The following TSPAN9 variants were observed in gnomAD, a reference collection of about 807,000 sequenced individuals.
TSPAN9 encodes the protein tetraspanin-9.
TSPAN9 carries 16 observed loss-of-function variants against 31.0 expected under a neutral mutation model. The ratio of observed to expected loss-of-function variants is 0.52; its 90% CI spans 0.35 to 0.78. The LOEUF (loss-of-function observed/expected upper bound fraction) is 0.78. Ranked by LOEUF, TSPAN9 falls within the 30% of genes least tolerant of loss-of-function variation. The pLI, the probability that TSPAN9 is intolerant of heterozygous loss-of-function variation, is 0.01. For synonymous variants in TSPAN9, 145 were observed against 121.6 expected (o/e 1.19, Z -1.27); for missense variants, 272 against 312.5 (o/e 0.87, Z 0.98).
At chr12:3,081,872 C>T (rs1381116972) in intron 1 of TSPAN9, among the ~76,000 whole-genome samples, 2 of 117,930 alleles carry the variant, frequency 1.7e-5, no homozygotes, top group Admixed American at 8.4e-5. Context: ...TGGTGGTACA[C>T]ACCTGTGGAC....
intron 2 of TSPAN9, among the ~76,000 whole-genome samples, chr12:3,179,058 A>G (rs976056858): frequency 1.3e-5 from 2 of 152,208 alleles, no homozygotes; most frequent in Admixed American, 6.5e-5. Flanking sequence ...TGCTGGGCCC[A>G]GGATGCCCTG....
At chr12:3,258,413 G>C (rs1862388713) in intron 3 of TSPAN9, among the ~76,000 whole-genome samples, 1 of 152,180 alleles carries the variant, frequency 6.6e-6, no homozygotes, top group Non-Finnish European at 1.5e-5. Context: ...TTTGAGATGG[G>C]GAAAGAGAGG....
In TSPAN9 at chr12:3,170,849, G is replaced by A. The variant is rs1016547493; in HGVS notation, c.-17-30328G>A. Among the ~76,000 whole-genome samples, 5 of 152,176 alleles carry A rather than the reference G, an allele frequency of 3.3e-5. No individual in the cohort carries two copies. Among genetic ancestry groups the A allele is most frequent in the East Asian group, 1.9e-4 (1 of 5,194 alleles). ...GCCGGGCAGGGACTCCTGGGTTGGC[G>A]CTCTCTAAAGCCGCTTCTGTTTCTA... On this transcript the variant is annotated intron_variant, in intron 2 of 8. Transcript: ENST00000011898. The surrounding 1 kb of genome is among the most constrained non-coding windows in gnomAD (Gnocchi z 4.4).
At chr12:3,179,823 C>T (rs2098357762) in intron 2 of TSPAN9, among the ~76,000 whole-genome samples, 1 of 152,126 alleles carries the variant, frequency 6.6e-6, no homozygotes, top group Non-Finnish European at 1.5e-5. Context: ...TTCTATCTGG[C>T]AGATAGTGGT....
At chr12:3,276,287 G>T (rs574047243) in intron 3 of TSPAN9, among the ~76,000 whole-genome samples, 1 of 152,342 alleles carries the variant, frequency 6.6e-6, no homozygotes, top group East Asian at 1.9e-4. Flanking sequence ...GAAAACCTCA[G>T]TGAGATCATG....
chr12:3,202,996 C>G (rs1490739994), intron 3 of TSPAN9, among the ~76,000 whole-genome samples: 1 of 152,180 alleles, frequency 6.6e-6, no homozygotes, highest in African/African-American at 2.4e-5. Context: ...CACACGAATG[C>G]TGTCCTTTTC....
chr12:3,247,301 C>A (rs1179221342), intron 3 of TSPAN9, among the ~76,000 whole-genome samples: 2 of 13,478 alleles, frequency 1.5e-4, no homozygotes, highest in Admixed American at 7.5e-4. Context: ...ACTGGCCAGC[C>A]CCCCCCCCCC....
At chr12:3,161,927 C>T (rs118170329) in intron 2 of TSPAN9, among the ~76,000 whole-genome samples, 11 of 152,212 alleles carry the variant, frequency 7.2e-5, no homozygotes, top group East Asian at 1.9e-4. Context: ...GCCATCTTCC[C>T]GCTTCAGCCT....
intron 2 of TSPAN9, among the ~76,000 whole-genome samples, chr12:3,096,064 C>T (rs912855893): frequency 3.3e-5 from 5 of 151,926 alleles, no homozygotes; most frequent in African/African-American, 7.3e-5. Flanking sequence ...CCCGGCGCGG[C>T]GGCAAAGACT....
chr12:3,223,337 C>T (rs927103068), intron 3 of TSPAN9, among the ~76,000 whole-genome samples: 3 of 152,164 alleles, frequency 2.0e-5, no homozygotes, highest in African/African-American at 7.2e-5. Context: ...TCCAGCATGG[C>T]CAGCCCTGGG....
At chr12:3,173,374 TTCC>T (rs2098353207) in intron 2 of TSPAN9, 2 of 152,420 alleles carry the variant, frequency 1.3e-5, no homozygotes, top group African/African-American at 4.8e-5. Flanking sequence ...GCCCTTTCTC[TTCC>T]CTCTGCCAGG....
At chr12:3,268,761 T>C (rs370856940) in intron 3 of TSPAN9, among the ~76,000 whole-genome samples, 1,007 of 19,972 alleles carry the variant, frequency 0.05, no homozygotes, top group Admixed American at 0.062. Flanking sequence ...TCCGTGCGTT[T>C]CTGCAGCCTG....
At chr12:3,234,827 A>G (rs1281993826) in intron 3 of TSPAN9, among the ~76,000 whole-genome samples, 1 of 152,046 alleles carries the variant, frequency 6.6e-6, no homozygotes, top group Non-Finnish European at 1.5e-5. Flanking sequence ...GTAGTAAACA[A>G]CCCAGAGGGT....
At chr12:3,125,780 T>C (rs931707018) in intron 2 of TSPAN9, among the ~76,000 whole-genome samples, 1 of 152,130 alleles carries the variant, frequency 6.6e-6, no homozygotes, top group African/African-American at 2.4e-5. Context: ...CACAGAGGAA[T>C]GGTTCTGTGG....
chr12:3,199,596 T>G (rs1464231485), intron 2 of TSPAN9, among the ~76,000 whole-genome samples: 2 of 152,006 alleles, frequency 1.3e-5, no homozygotes, highest in Admixed American at 6.5e-5. Context: ...AAAGGCAAGG[T>G]AGGACCCCGC....
At chr12:3,136,588 G>A (rs1378514683) in intron 2 of TSPAN9, among the ~76,000 whole-genome samples, 2 of 152,158 alleles carry the variant, frequency 1.3e-5, no homozygotes, top group Non-Finnish European at 2.9e-5. Context: ...GTCGTGAAGC[G>A]GGTTTGCATG....
chr12:3,187,021 A>G lies in TSPAN9; in HGVS notation c.-17-14156A>G, dbSNP rs1006572115. On this transcript the variant is annotated intron_variant, in intron 2 of 8. Transcript: ENST00000011898. The surrounding 1 kb of genome is among the most constrained non-coding windows in gnomAD (Gnocchi z 5.2). ...TGGCTGTGGTGGGAGTACTTACACC[A>G]TGGCATTGGCAAGCGCTCTGAATCG... Among the ~76,000 whole-genome samples, 12 of 152,154 alleles carry G rather than the reference A, an allele frequency of 7.9e-5. No homozygotes were observed. Among genetic ancestry groups the G allele is most frequent in the African/African-American group, 1.7e-4 (7 of 41,422 alleles).
intron 3 of TSPAN9, among the ~76,000 whole-genome samples, chr12:3,254,695 G>T (rs1414652213): frequency 6.6e-6 from 1 of 152,188 alleles, no homozygotes; most frequent in Non-Finnish European, 1.5e-5. Flanking sequence ...CATACTCTTA[G>T]TAAACCCGCT....
intron 3 of TSPAN9, among the ~76,000 whole-genome samples, chr12:3,229,874 A>G (rs960828781): frequency 6.6e-6 from 1 of 152,284 alleles, no homozygotes; most frequent in African/African-American, 2.4e-5. Context: ...CGTTGCATAG[A>G]CATCTCAGGG....
Sources: gnomAD v4.1 joint callset for allele counts (sites outside exome capture counted in the v4.1 genomes callset) on GRCh38, gnomAD v4.1.1 for gene constraint, Gnocchi (gnomAD v3.1) non-coding constraint, MANE v1.5 for transcripts, NCBI Gene and HGNC (gene_info 2026-07-23, HGNC 2026-07-21) for gene names.